The following PIGO variants were observed in gnomAD, a reference collection of about 807,000 sequenced individuals.
PIGO encodes the protein phosphatidylinositol glycan anchor biosynthesis class O, also known as GPI ethanolamine phosphate transferase 3, catalytic subunit.
In PIGO, 66 loss-of-function variants were observed where a neutral mutation model predicts 86.9. That is an observed-to-expected ratio of 0.76 (90% CI 0.62 to 0.93). PIGO has a LOEUF of 0.93. PIGO is among the 40% of genes least tolerant of loss of function. PIGO has a pLI of 0.00. For missense variants in PIGO, 1,202 were observed against 1,359.1 expected (o/e 0.88, Z 1.82); for synonymous variants, 570 against 556.4 (o/e 1.02, Z -0.34).
rs1587158391 is a variant in PIGO at position 35,090,205 on chromosome 9, C to T, written c.2930G>A (p.Gly977Glu). 1 of 1,614,210 alleles carries T rather than the reference C, an allele frequency of 6.2e-7. No individual in the cohort carries two copies. Among genetic ancestry groups the T allele is most frequent in the Non-Finnish European group, 8.5e-7 (1 of 1,180,046 alleles). ...QGLRKRQQPPGNEADARVRPE... is the reference protein window; with the variant it reads ...QGLRKRQQPPENEADARVRPE... ...TCTGACTCTGGCATCAGCTTCATTCCCTGGGGGCTGCTGTCTCTTCCGCAG... is the reference window on the plus strand; with the variant it reads ...TCTGACTCTGGCATCAGCTTCATTCTCTGGGGGCTGCTGTCTCTTCCGCAG... The change falls in exon 9 of 11, where the codon GGG (glycine) becomes GAG (glutamate). Residue 977 changes from glycine to glutamate, a missense_variant. Physicochemically the swap from Gly to Glu is moderately conservative, Grantham distance 98 (BLOSUM62 -2). Coordinates refer to ENST00000378617, the MANE Select transcript of PIGO (RefSeq NM_032634.4).
In PIGO at chr9:35,093,537, C is replaced by T; in HGVS notation, c.823G>A (p.Ala275Thr). The stretch of plus-strand genomic sequence containing the variant: ...TTTGTGGTCATCCCATGGTCCCCAG[C>T]CACTACCAGCAGTGTGTCATTCTCC... ...RLENDTLLVV[A>T]GDHGMTTNGD... The change falls in exon 5 of 11, where the codon GCT becomes ACT. Residue 275 changes from alanine to threonine, a missense_variant. Coordinates refer to ENST00000378617, the MANE Select transcript of PIGO (RefSeq NM_032634.4). 6.2e-7 allele frequency: 1 copy of T among 1,613,954 alleles called. No individual in the cohort carries two copies.
chr9:35,095,992 A>AG (rs539189932), intron 1 of PIGO, 163 bp downstream of exon 1: 162 of 164,516 alleles, frequency 9.8e-4, no homozygotes, highest in African/African-American at 3.7e-3. Context: ...CAACAGAGGG[A>AG]GACGCCGTTT....
chr9:35,094,183 T>G, intron 3 of PIGO, 33 bp downstream of exon 3: 2 of 1,576,624 alleles, frequency 1.3e-6, no homozygotes, highest in Non-Finnish European at 1.7e-6. Flanking sequence ...CAGCTCCCAG[T>G]CTTAGAACTA....
chr9:35,091,209 T>A (rs990075151), intron 7 of PIGO, 31 bp downstream of exon 7: 1 of 1,546,198 alleles, frequency 6.5e-7, no homozygotes, highest in Non-Finnish European at 8.7e-7. Context: ...ATCACTATTG[T>A]CTTTAAGTGA....
chr9:35,091,449 T>A lies in PIGO; in HGVS notation c.2438A>T (p.Glu813Val). The A allele has an allele frequency of 6.2e-7, 1 of 1,614,122 alleles. No homozygotes were observed. The highest frequency in any genetic ancestry group is 8.5e-7 in the Non-Finnish European group (1 of 1,180,028). Reference protein sequence around the residue: ...HMQEEFRGRLERTKSQGPLTV... With the variant: ...HMQEEFRGRLVRTKSQGPLTV... ...CAGGGGACCCTGAGATTTGGTCCTC[T>A]CTAACCGGCCCCGGAACTCCTCCTG... The change falls in exon 7 of 11, where the codon GAG becomes GTG. Residue 813 changes from glutamate (E) to valine (V), a missense_variant. Glu to Val is a moderately radical substitution (Grantham distance 121). Transcript: ENST00000378617.
Position 35,092,768 on chromosome 9 carries a change from CT to C in PIGO, c.1120-2del. On this transcript the variant is annotated splice_acceptor_variant, in intron 6 of 10. Transcript: ENST00000378617. LOFTEE classifies it high-confidence loss of function. ...AGTAGGTATGAAGAAATCGGGACACCTGGCAGAGAAAAGGTCAGAGGCCAAG... is the reference window on the plus strand; with the variant it reads ...AGTAGGTATGAAGAAATCGGGACACCGGCAGAGAAAAGGTCAGAGGCCAAG... The C allele has an allele frequency of 1.2e-6, 2 of 1,600,700 alleles. No homozygotes were observed. The highest frequency in any genetic ancestry group is 1.7e-6 in the Non-Finnish European group (2 of 1,175,192).
rs780883151 is a variant in PIGO, at chr9:35,092,503, AG to A, written c.1383del (p.Cys462AlafsTer23). 1 of 1,614,222 alleles carries A rather than the reference AG, an allele frequency of 6.2e-7. No homozygotes were observed. The highest frequency in any genetic ancestry group is 8.5e-7 in the Non-Finnish European group (1 of 1,179,998). ...TGAGATGCCAGCAGGCAGATAAAGCAGGAAGCAGCCAAGAGAGCAGTACCCC... is the reference window on the plus strand; with the variant it reads ...TGAGATGCCAGCAGGCAGATAAAGCAGAAGCAGCCAAGAGAGCAGTACCCC... ...MAGGTALLAA[S>X]CFICLLASQW... On this transcript the variant is annotated frameshift_variant, in exon 7 of 11. Coordinates refer to ENST00000378617, the MANE Select transcript of PIGO (RefSeq NM_032634.4). LOFTEE classifies it high-confidence loss of function.
chr9:35,088,855 C>T lies in PIGO; in HGVS notation c.*237G>A. ...TCACCACGCCCGGCCTATTTTATTC[C>T]ACTTCGGAGACCGCCCCCCTTGTCC... On this transcript the variant is annotated 3_prime_UTR_variant, in exon 11 of 11. Coordinates refer to ENST00000378617, the MANE Select transcript of PIGO (RefSeq NM_032634.4). 2.1e-6 allele frequency: 1 copy of T among 483,176 alleles called. No individual in the cohort carries two copies. The highest frequency in any genetic ancestry group is 3.6e-6 in the Non-Finnish European group (1 of 277,346). The allele number at this position is 483,176 out of a possible 1,614,324, so 29.9% of individuals were successfully genotyped here.
chr9:35,092,296 C>A lies in PIGO; in HGVS notation c.1591G>T (p.Ala531Ser), dbSNP rs1416430595. Residue 531 changes from alanine (A) to serine (S), a missense_variant, in exon 7 of 11, where the codon GCT becomes TCT. Coordinates refer to ENST00000378617, the MANE Select transcript of PIGO (RefSeq NM_032634.4). ...SFLPFLWKAWAGWGSKRPLAT... is the reference protein window; with the variant it reads ...SFLPFLWKAWSGWGSKRPLAT... ...AGGGGCCTCTTGGACCCCCAGCCAGCCCAGGCTTTCCACAGAAAAGGGAGG... is the reference window on the plus strand; with the variant it reads ...AGGGGCCTCTTGGACCCCCAGCCAGACCAGGCTTTCCACAGAAAAGGGAGG... 1 of 1,614,090 alleles carries A rather than the reference C, an allele frequency of 6.2e-7. No homozygotes were observed. Among genetic ancestry groups the A allele is most frequent in the African/African-American group, 1.3e-5 (1 of 74,942 alleles).
rs760792660 is a variant in PIGO, at chr9:35,094,008, C to A, written c.672G>T (p.Trp224Cys). The A allele has an allele frequency of 1.2e-6, 2 of 1,614,014 alleles. No individual in the cohort carries two copies. The highest frequency in any genetic ancestry group is 1.7e-6 in the Non-Finnish European group (2 of 1,179,958). ...HLYPTMDSGE[W>C]DVLIAHFLGV... ...CCAGGAAGTGAGCAATCAGCACGTC[C>A]CATTCACCACTGTCCACTGTGAAGG... Residue 224 changes from tryptophan (W) to cysteine (C), a missense_variant, in exon 4 of 11, where the codon TGG (tryptophan) becomes TGT (cysteine). Transcript: ENST00000378617.
chr9:35,089,162 G>A lies in PIGO; in HGVS notation c.3200C>T (p.Ala1067Val), dbSNP rs1246344960. The change falls in exon 11 of 11, where the codon GCT becomes GTT. Residue 1067 changes from alanine (A) to valine (V), a missense_variant. By Grantham distance (64) the Ala-to-Val change is moderately conservative. Transcript: ENST00000378617. ...VSSVGLLLGI[A>V]LVMRVDGAVS... ...AGCACCATCCACTCTCATCACCAAA[G>A]CTATGCCCAGGAGAAGTCCCACGCT... is the stretch of plus-strand genomic sequence containing the variant. 13 of 1,614,058 alleles carry A rather than the reference G, an allele frequency of 8.1e-6. No homozygotes were observed. The highest frequency in any genetic ancestry group is 1.1e-5 in the Non-Finnish European group (13 of 1,180,048).
chr9:35,095,737 G>T, intron 1 of PIGO, 171 bp from the exon 2 acceptor site: 1 of 933,852 alleles, frequency 1.1e-6, no homozygotes, highest in Non-Finnish European at 1.5e-6. Context: ...TTCCAGGCTG[G>T]GCATGGTGGC....
In PIGO at chr9:35,091,727, T is replaced by C. The variant is rs1829430698; in HGVS notation, c.2160A>G (p.Ala720=). Residue 720 remains alanine (A), a synonymous_variant, in exon 7 of 11, where the codon GCA becomes GCG. Coordinates refer to ENST00000378617, the MANE Select transcript of PIGO (RefSeq NM_032634.4). ...GAGCCTCATCTGCCCCCGACGCCAATGCCCAGTAGGCAGCAGTACCCAATG... is the reference window on the plus strand; with the variant it reads ...GAGCCTCATCTGCCCCCGACGCCAACGCCCAGTAGGCAGCAGTACCCAATG... ...LMALGTAAYW[A]LASGADEAPP... is the part of the protein sequence containing the mutation. 6.2e-7 allele frequency: 1 copy of C among 1,611,942 alleles called. No individual in the cohort carries two copies. The highest frequency in any genetic ancestry group is 1.1e-5 in the South Asian group (1 of 91,082).
chr9:35,096,498 A>T lies in PIGO; in HGVS notation c.-345T>A, dbSNP rs1331858862. 2.0e-5 allele frequency: 3 copies of T among 152,102 alleles called. No individual in the cohort carries two copies. Among genetic ancestry groups the T allele is most frequent in the Non-Finnish European group, 4.4e-5 (3 of 68,082 alleles). 9.4% of individuals were successfully genotyped at this position (152,102 alleles called of 1,614,324 possible). ...GTTAGGAGCTGAGGGGAAGAGGGAG[A>T]CTCCCTTACTTCAGGGTGAGGGGAA... is the stretch of plus-strand genomic sequence containing the variant. On this transcript the variant is annotated 5_prime_UTR_variant, in exon 1 of 11. Transcript: ENST00000378617.
At position 35,088,776 on chromosome 9, in the gene PIGO, A is replaced by C. The variant is rs993001169; in HGVS notation, c.*316T>G. ...CACAGGCTGGTCTTGAACTCCTGGG[A>C]CCAAGCAATCCTCCCACCTCTGCCT... On this transcript the variant is annotated 3_prime_UTR_variant, in exon 11 of 11. Coordinates refer to ENST00000378617, the MANE Select transcript of PIGO (RefSeq NM_032634.4). The C allele has an allele frequency of 8.0e-6, 2 of 251,442 alleles. No homozygotes were observed. Among genetic ancestry groups the C allele is most frequent in the Non-Finnish European group, 1.6e-5 (2 of 127,394 alleles). 15.6% of individuals were successfully genotyped at this position (251,442 alleles called of 1,614,324 possible).
At chr9:35,095,651 A>G in intron 1 of PIGO, 85 bp from the exon 2 acceptor site, 1 of 1,391,534 alleles carries the variant, frequency 7.2e-7, no homozygotes, top group Admixed American at 2.8e-5. Context: ...CCCAGCTAGA[A>G]TCACTTCCTC....
At position 35,091,938 on chromosome 9, in the gene PIGO, G is replaced by A. The variant is rs1587164764; in HGVS notation, c.1949C>T (p.Ser650Phe). ...RCPEETPVCH[S>F]SPWLSPLASM... is the part of the protein sequence containing the mutation. The stretch of plus-strand genomic sequence containing the variant: ...TGCCAGAGGACTCAGCCAGGGAGAG[G>A]AGTGGCAAACAGGTGTCTCTTCAGG... The change falls in exon 7 of 11, where the codon TCC becomes TTC. Residue 650 changes from serine (S) to phenylalanine (F), a missense_variant. Coordinates refer to ENST00000378617, the MANE Select transcript of PIGO (RefSeq NM_032634.4). 6.2e-7 allele frequency: 1 copy of A among 1,614,226 alleles called. No individual in the cohort carries two copies. The highest frequency in any genetic ancestry group is 8.5e-7 in the Non-Finnish European group (1 of 1,180,040).
chr9:35,091,989 C>T lies in PIGO; in HGVS notation c.1898G>A (p.Arg633Lys), dbSNP rs1483988489. Residue 633 changes from arginine (R) to lysine (K), a missense_variant, in exon 7 of 11, where the codon AGG becomes AAG. Arg to Lys is a conservative substitution (Grantham distance 26, BLOSUM62 2). Transcript: ENST00000378617. ...RLGIGLLLCT[R>K]LAGLFHRCPE... ...GCAACGATGAAAAAGCCCAGCTAGC[C>T]TTGTACATAAAAGCAACCCAATTCC... The T allele has an allele frequency of 1.2e-6, 2 of 1,614,220 alleles. No homozygotes were observed. The highest frequency in any genetic ancestry group is 1.7e-6 in the Non-Finnish European group (2 of 1,180,046).
rs574147888 is a variant in PIGO at position 35,091,156 on chromosome 9, T to C, written c.2647+84A>G. The stretch of plus-strand genomic sequence containing the variant: ...GGACCCTCTGTCAAGCTCAGGAACA[T>C]GAGGAGCAACACCTCCTTGAAAACA... On this transcript the variant is annotated intron_variant, in intron 7 of 10. Transcript: ENST00000378617. The C allele has an allele frequency of 6.4e-6, 9 of 1,414,944 alleles. No homozygotes were observed. In the South Asian group the frequency reaches 8.3e-5, roughly 13 times the overall value. 87.6% of individuals were successfully genotyped at this position (1,414,944 alleles called of 1,614,324 possible). A position where few individuals can be genotyped will look rare whatever the true frequency, so the allele number is the denominator to read the frequency against.
Sources: gnomAD v4.1 joint callset for allele counts on GRCh38, gnomAD v4.1.1 for gene constraint, MANE v1.5 for transcripts, NCBI Gene and HGNC (gene_info 2026-07-23, HGNC 2026-07-21) for gene names.